The following HSPG2 variants were observed in gnomAD, a reference collection of about 807,000 sequenced individuals.
HSPG2 encodes the protein basement membrane-specific heparan sulfate proteoglycan core protein.
HSPG2 carries 278 observed loss-of-function variants against 526.6 expected under a neutral mutation model. The observed-to-expected ratio is 0.53, with a 90% CI of 0.48 to 0.58. HSPG2 has a LOEUF of 0.58. Among genes scored for constraint, HSPG2 ranks in the 20% least tolerant of loss-of-function variants. The probability of loss-of-function intolerance (pLI) is 0.00; values close to 1 mark genes in which losing one functional copy is unlikely to be tolerated. For synonymous variants in HSPG2, 2,465 were observed against 2,555.4 expected (o/e 0.96, Z 1.07); for missense variants, 5,354 against 6,099.5 (o/e 0.88, Z 4.07).
chr1:21,867,120 C>CTTTTTT (rs3077631), intron 33 of HSPG2, among the ~76,000 whole-genome samples: 1 of 123,416 alleles, frequency 8.1e-6, no homozygotes, highest in Non-Finnish European at 1.6e-5. Context: ...TGCTCAGGCA[C>CTTTTTT]TTTTTTTTTT....
At chr1:21,866,255 GC>G (rs1208629802) in intron 33 of HSPG2, among the ~76,000 whole-genome samples, 2 of 152,134 alleles carry the variant, frequency 1.3e-5, no homozygotes, top group African/African-American at 4.8e-5. Context: ...GTTTTTGTTT[GC>G]CCAGTATCCA....
chr1:21,855,427 G>A lies in HSPG2; in HGVS notation c.5874C>T (p.Val1958=). ...CCTGGGTCCTCTCTGGGCTCACTTG[G>A]ACTCTGGGCCCACCGCCCCCTGCAG... The part of the protein sequence containing the change: ...LHVHGGGGPR[V]QVSPERTQVH... The change falls in exon 47 of 97, where the codon GTC becomes GTT. Residue 1958 remains valine (V), a synonymous_variant. Coordinates refer to ENST00000374695, the MANE Select transcript of HSPG2 (RefSeq NM_005529.7). The A allele has an allele frequency of 6.2e-7, 1 of 1,613,214 alleles. No individual in the cohort carries two copies. Among genetic ancestry groups the A allele is most frequent in the Non-Finnish European group, 8.5e-7 (1 of 1,179,892 alleles).
At position 21,850,111 on chromosome 1, in the gene HSPG2, A is replaced by T. The variant is rs772673465; in HGVS notation, c.7376T>A (p.Leu2459His). The T allele has an allele frequency of 5.6e-6, 9 of 1,613,282 alleles. No homozygotes were observed. The highest frequency in any genetic ancestry group is 1.3e-5 in the African/African-American group (1 of 74,944). Residue 2459 changes from leucine (L) to histidine (H), a missense_variant, in exon 57 of 97, where the codon CTC becomes CAC. By Grantham distance (99) the Leu-to-His change is moderately conservative. Transcript: ENST00000374695. ...AEGQTLDLNC[L>H]VAGQAHAQVT... ...CTGGGCATGGGCCTGACCAGCAACG[A>T]GGCAGTTCAGGTCCAGGGTCTGCCC... is the stretch of plus-strand genomic sequence containing the variant.
intron 1 of HSPG2, among the ~76,000 whole-genome samples, chr1:21,899,469 C>T (rs1642972306): frequency 6.6e-6 from 1 of 152,168 alleles, no homozygotes; most frequent in Non-Finnish European, 1.5e-5. Context: ...TGGGGCTCCA[C>T]TGAGAAAGGG....
At position 21,905,361 on chromosome 1, in the gene HSPG2, C is replaced by T. The variant is rs116885879; in HGVS notation, c.64-9051G>A. ...TAGCCACATGCATCCTCTCAATAGTCGTCAAACACACCAAGCCCCCTGCCT... is the reference window on the plus strand; with the variant it reads ...TAGCCACATGCATCCTCTCAATAGTTGTCAAACACACCAAGCCCCCTGCCT... On this transcript the variant is annotated intron_variant, in intron 1 of 96. Coordinates refer to ENST00000374695, the MANE Select transcript of HSPG2 (RefSeq NM_005529.7). Among the ~76,000 whole-genome samples, 18 of 152,294 alleles carry T rather than the reference C, an allele frequency of 1.2e-4. No homozygotes were observed. The East Asian group carries it at 2.9e-3, about 25-fold the overall frequency.
intron 1 of HSPG2, among the ~76,000 whole-genome samples, chr1:21,914,763 T>C (rs537517327): frequency 9.8e-5 from 15 of 152,290 alleles, no homozygotes; most frequent in Non-Finnish European, 2.2e-4. Context: ...GGAGAAAGGA[T>C]GGTGCTGGGA....
rs1047880428 is a variant in HSPG2 at position 21,895,467 on chromosome 1, G to A, written c.244+455C>T. Among the ~76,000 whole-genome samples, 1 of 152,262 alleles carries A rather than the reference G, an allele frequency of 6.6e-6. No individual in the cohort carries two copies. Among genetic ancestry groups the A allele is most frequent in the Non-Finnish European group, 1.5e-5 (1 of 67,998 alleles). ...CTCTCCCAAGCCTAGCGTCAGGCTC[G>A]ATCTGTGCTCTGCATGCCCTGCTGC... On this transcript the variant is annotated intron_variant, in intron 3 of 96. Transcript: ENST00000374695. The surrounding 1 kb of genome is among the most constrained non-coding windows in gnomAD (Gnocchi z 4.1).
intron 6 of HSPG2, chr1:21,888,706 G>T (rs202082510): frequency 1.1e-4 from 155 of 1,363,060 alleles, no homozygotes; most frequent in African/African-American, 3.7e-4. Context: ...CGGCGGGGGT[G>T]GGGGGGTCTG....
In HSPG2 at chr1:21,854,295, C is replaced by A; in HGVS notation, c.6337G>T (p.Gly2113Ter). ...RLPQVSPADS[G>*]EYVCRVENGS... ...TTCTCCACACGGCACACATATTCTC[C>A]AGAATCAGCTGGTGAGACCTGGGGG... Residue 2113 changes from glycine to a stop codon, truncating the protein, a stop_gained, in exon 50 of 97, where the codon GGA (glycine) becomes TGA (stop). Coordinates refer to ENST00000374695, the MANE Select transcript of HSPG2 (RefSeq NM_005529.7). LOFTEE classifies it high-confidence loss of function. 6.4e-7 allele frequency: 1 copy of A among 1,574,482 alleles called. No individual in the cohort carries two copies. Among genetic ancestry groups the A allele is most frequent in the Non-Finnish European group, 8.6e-7 (1 of 1,159,586 alleles).
Position 21,864,257 on chromosome 1 carries a change from C to T in HSPG2, c.4627-44G>A. The T allele has an allele frequency of 6.8e-7, 1 of 1,476,254 alleles. No homozygotes were observed. The highest frequency in any genetic ancestry group is 9.3e-7 in the Non-Finnish European group (1 of 1,080,094). 91.4% of individuals were successfully genotyped at this position (1,476,254 alleles called of 1,614,324 possible). ...GTTGGCCTCTGTTCCCAACGTGCCC[C>T]ACCCACAGCCAGCAGACCCAGAACC... On this transcript the variant is annotated intron_variant, in intron 36 of 96. Coordinates refer to ENST00000374695, the MANE Select transcript of HSPG2 (RefSeq NM_005529.7). This position sits in a 1 kb window ranked among gnomAD's most constrained non-coding sequence, Gnocchi z 4.8.
In HSPG2 at chr1:21,831,453, G is replaced by C; in HGVS notation, c.11452+10C>G. The C allele has an allele frequency of 6.2e-7, 1 of 1,612,778 alleles. No homozygotes were observed. The highest frequency in any genetic ancestry group is 8.5e-7 in the Non-Finnish European group (1 of 1,178,862). ...GCCCAGCCTCAGCTGGAGGTGGGGA[G>C]GGGGCTCACCTATGAAGCCGCTGCT... On this transcript the variant is annotated intron_variant, in intron 83 of 96. Coordinates refer to ENST00000374695, the MANE Select transcript of HSPG2 (RefSeq NM_005529.7).
intron 1 of HSPG2, among the ~76,000 whole-genome samples, chr1:21,897,872 T>C (rs1004498801): frequency 1.3e-5 from 2 of 152,168 alleles, no homozygotes; most frequent in Admixed American, 6.5e-5. Flanking sequence ...TGTGTATTTA[T>C]GCCTAAATAA....
intron 1 of HSPG2, among the ~76,000 whole-genome samples, chr1:21,933,826 G>C (rs1217657563): frequency 1.3e-5 from 2 of 152,244 alleles, no homozygotes; most frequent in African/African-American, 4.8e-5. Flanking sequence ...GGAACAAGTA[G>C]GCTAGTGTCA....
intron 91 of HSPG2, among the ~76,000 whole-genome samples, chr1:21,826,865 T>C (rs1351882741): frequency 1.3e-5 from 2 of 152,166 alleles, no homozygotes; most frequent in Non-Finnish European, 2.9e-5. Context: ...TACCACACAT[T>C]GTTCTAGGCA....
chr1:21,851,885 G>T lies in HSPG2; in HGVS notation c.6912C>A (p.Ala2304=). The change falls in exon 54 of 97, where the codon GCC becomes GCA. Residue 2304 remains alanine, a synonymous_variant. Coordinates refer to ENST00000374695, the MANE Select transcript of HSPG2 (RefSeq NM_005529.7). ...CCCGGCAGACGTACTGTCCCGCATCGGCAGGTGAGGCCTGGAAGATGTACA... is the reference window on the plus strand; with the variant it reads ...CCCGGCAGACGTACTGTCCCGCATCTGCAGGTGAGGCCTGGAAGATGTACA... ...SRLYIFQASP[A]DAGQYVCRAS... is the part of the protein sequence containing the mutation. 6.2e-7 allele frequency: 1 copy of T among 1,611,826 alleles called. No homozygotes were observed. The highest frequency in any genetic ancestry group is 8.5e-7 in the Non-Finnish European group (1 of 1,179,386).
chr1:21,930,459 T>C (rs1411062076), intron 1 of HSPG2, among the ~76,000 whole-genome samples: 2 of 152,236 alleles, frequency 1.3e-5, no homozygotes, highest in Non-Finnish European at 2.9e-5. Flanking sequence ...TCTGACATTT[T>C]TATTCTCTGC....
intron 1 of HSPG2, among the ~76,000 whole-genome samples, chr1:21,919,425 C>CAA (rs36109631): frequency 0.019 from 2,205 of 118,788 alleles, 34 homozygotes; most frequent in Middle Eastern, 0.038. Context: ...GACCCTGTCT[C>CAA]AAAAAAAAAA....
At chr1:21,835,376 C>T (rs891259442) in intron 76 of HSPG2, 164 bp downstream of exon 76, 12 of 663,400 alleles carry the variant, frequency 1.8e-5, no homozygotes, top group Admixed American at 1.3e-4. Context: ...TGTATCAAGC[C>T]CCTTTTACTC....
chr1:21,918,506 C>T (rs1446904115), intron 1 of HSPG2, among the ~76,000 whole-genome samples: 1 of 151,658 alleles, frequency 6.6e-6, no homozygotes, highest in African/African-American at 2.4e-5. Flanking sequence ...ATAATAGTAC[C>T]TGCCTTATTG....
Sources: allele counts gnomAD v4.1 joint callset (sites outside exome capture counted in the v4.1 genomes callset), GRCh38; gene constraint gnomAD v4.1.1; non-coding constraint Gnocchi (gnomAD v3.1); transcripts MANE v1.5; gene names NCBI Gene and HGNC (gene_info 2026-07-23, HGNC 2026-07-21).